Variants in SLC14A2 observed in about 807,000 individuals in gnomAD.
SLC14A2 encodes the protein urea transporter 2.
A neutral mutation model predicts 104.6 loss-of-function variants in SLC14A2; 91 were observed. That is an observed-to-expected ratio of 0.87 (90% CI 0.73 to 1.04). The LOEUF is 1.04. Among genes scored for constraint, SLC14A2 ranks in the 50% least tolerant of loss-of-function variants. SLC14A2 has a pLI of 0.00. For synonymous variants in SLC14A2, 476 were observed against 466.4 expected (o/e 1.02, Z -0.27); for missense variants, 1,189 against 1,156.0 (o/e 1.03, Z -0.41).
intron 1 of SLC14A2, among the ~76,000 whole-genome samples, chr18:45,442,895 G>T (rs2086702560): frequency 1.3e-5 from 2 of 152,184 alleles, no homozygotes; most frequent in Admixed American, 6.5e-5. Context: ...TGTCTAGGTT[G>T]CCCAGGATGT....
intron 1 of SLC14A2, among the ~76,000 whole-genome samples, chr18:45,445,817 T>C (rs1004814257): frequency 3.3e-5 from 5 of 152,196 alleles, no homozygotes; most frequent in African/African-American, 9.7e-5. Flanking sequence ...CACTAACCTG[T>C]AGTGTGCCTA....
intron 1 of SLC14A2, among the ~76,000 whole-genome samples, chr18:45,244,001 G>A (rs1376122087): frequency 6.6e-6 from 1 of 152,060 alleles, no homozygotes; most frequent in African/African-American, 2.4e-5. Flanking sequence ...ATGTCTCTGG[G>A]GTTAATTGGA....
chr18:45,515,557 G>A (rs2043427034), intron 2 of SLC14A2: 1 of 152,214 alleles, frequency 6.6e-6, no homozygotes, highest in African/African-American at 2.4e-5. Context: ...GGGCTGCTGT[G>A]AGCATAGAAA....
chr18:45,632,603 C>G, intron 5 of SLC14A2, 125 bp downstream of exon 5: 1 of 1,016,988 alleles, frequency 9.8e-7, no homozygotes, highest in African/African-American at 1.6e-5. Flanking sequence ...GTTAGCTTGT[C>G]TGACACCATG....
upstream of SLC14A2, among the ~76,000 whole-genome samples, chr18:45,209,807 T>C (rs190095608): frequency 1.1e-3 from 172 of 152,350 alleles, no homozygotes; most frequent in East Asian, 1.2e-3. Context: ...CATGCTCTCT[T>C]ATTGAGGCAA....
At chr18:45,678,345 A>G (rs1764797588) in intron 18 of SLC14A2, among the ~76,000 whole-genome samples, 1 of 152,236 alleles carries the variant, frequency 6.6e-6, no homozygotes, top group Non-Finnish European at 1.5e-5. Context: ...ACACACTAAT[A>G]AAGGTTAACT....
chr18:45,292,800 T>C (rs2084882599), intron 1 of SLC14A2, among the ~76,000 whole-genome samples: 1 of 152,238 alleles, frequency 6.6e-6, no homozygotes. Context: ...TGATGTTTCA[T>C]TAACCTTGTA....
chr18:45,257,963 G>C (rs565637510), intron 1 of SLC14A2, among the ~76,000 whole-genome samples: 2 of 152,242 alleles, frequency 1.3e-5, no homozygotes, highest in South Asian at 2.1e-4. Context: ...GAAGCACTTT[G>C]GAAAACACTT....
chr18:45,672,961 G>A lies in SLC14A2; in HGVS notation c.2291G>A (p.Gly764Glu), dbSNP rs746143236. The change falls in exon 17 of 20, where the codon GGA becomes GAA. Residue 764 changes from glycine to glutamate, a missense_variant. Gly to Glu is a moderately conservative substitution (Grantham distance 98, BLOSUM62 -2). Coordinates refer to ENST00000255226, the MANE Select transcript of SLC14A2 (RefSeq NM_007163.4). ...TACGGCTGTGATAACCCCTGGACTGGAGGCATCTTCCTCATAGCTCTGTTC... is the reference window on the plus strand; with the variant it reads ...TACGGCTGTGATAACCCCTGGACTGAAGGCATCTTCCTCATAGCTCTGTTC... ...QVYGCDNPWT[G>E]GIFLIALFIS... 2 of 1,614,158 alleles carry A rather than the reference G, an allele frequency of 1.2e-6. No homozygotes were observed. The highest frequency in any genetic ancestry group is 4.5e-5 in the East Asian group (2 of 44,890).
At chr18:45,240,334 A>T (rs2084300525) in intron 1 of SLC14A2, among the ~76,000 whole-genome samples, 1 of 151,968 alleles carries the variant, frequency 6.6e-6, no homozygotes. Context: ...TGACCTCGTG[A>T]TCAGCCCACC....
At chr18:45,289,737 G>T (rs12958669) in intron 1 of SLC14A2, among the ~76,000 whole-genome samples, 1 of 152,156 alleles carries the variant, frequency 6.6e-6, no homozygotes, top group East Asian at 1.9e-4. Flanking sequence ...GGTGGTGTCT[G>T]TTCCCCTGGA....
At position 45,265,797 on chromosome 18, in the gene SLC14A2, G is replaced by A. The variant is rs1278418912; in HGVS notation, c.-125+52606G>A. Among the ~76,000 whole-genome samples the A allele has an allele frequency of 2.0e-5, 3 of 152,146 alleles. No individual in the cohort carries two copies. In the East Asian group the frequency reaches 5.8e-4, roughly 29 times the overall value. ...GTAATTTATAAGCAGAGAGTGAGTT[G>A]CCCTGTTGTTACTGTTTTTAGAATT... On this transcript the variant is annotated intron_variant, in intron 1 of 20. Coordinates refer to the SLC14A2 transcript ENST00000586448.
intron 18 of SLC14A2, among the ~76,000 whole-genome samples, chr18:45,677,884 T>C (rs1018994243): frequency 6.6e-5 from 10 of 152,244 alleles, no homozygotes; most frequent in African/African-American, 2.4e-4. Context: ...AGTAGCATGA[T>C]CATAGTTCAT....
chr18:45,389,352 G>C (rs2085935636), intron 1 of SLC14A2, among the ~76,000 whole-genome samples: 1 of 152,076 alleles, frequency 6.6e-6, no homozygotes, highest in African/African-American at 2.4e-5. Context: ...ATCATTTTTG[G>C]AGCCAAGTAA....
At chr18:45,662,728 C>T (rs1214299956) in intron 10 of SLC14A2, among the ~76,000 whole-genome samples, 1 of 152,126 alleles carries the variant, frequency 6.6e-6, no homozygotes, top group Non-Finnish European at 1.5e-5. Flanking sequence ...TGAGTCAACC[C>T]AGAAAATATG....
chr18:45,479,894 G>A (rs1030809360), intron 1 of SLC14A2, among the ~76,000 whole-genome samples: 2 of 152,168 alleles, frequency 1.3e-5, no homozygotes, highest in Non-Finnish European at 2.9e-5. Context: ...GATCCTCTGG[G>A]AAATGGAACA....
rs566377105 is a variant in SLC14A2 at position 45,496,463 on chromosome 18, C to G, written c.-35+13141C>G. Among the ~76,000 whole-genome samples, 121 of 152,278 alleles carry G rather than the reference C, an allele frequency of 7.9e-4. 1 individual carries two copies. The highest frequency in any genetic ancestry group is 2.7e-3 in the African/African-American group (111 of 41,560). On this transcript the variant is annotated intron_variant, in intron 2 of 20. Transcript: ENST00000586448. ...GGCTGCCAGGGTAGCTAGAACAAAG[C>G]AGGCAGAAGAAGGTGGGATAACCTT...
At chr18:45,194,442 G>A in the SLC14A2 span, among the ~76,000 whole-genome samples, 1 of 152,032 alleles carries the variant, frequency 6.6e-6, no homozygotes, top group East Asian at 1.9e-4. Flanking sequence ...TGATCATGTG[G>A]TTTATTTTTG....
the SLC14A2 span, among the ~76,000 whole-genome samples, chr18:45,187,615 C>T: frequency 3.3e-5 from 5 of 151,958 alleles, no homozygotes; most frequent in African/African-American, 4.8e-5. Flanking sequence ...ATGGCATTAA[C>T]GTGTGGTTGC....
Sources: gnomAD v4.1 joint callset for allele counts (sites outside exome capture counted in the v4.1 genomes callset) on GRCh38, gnomAD v4.1.1 for gene constraint, MANE v1.5 for transcripts, NCBI Gene and HGNC (gene_info 2026-07-23, HGNC 2026-07-21) for gene names.